MPRIP: variants seen among roughly 807,000 people sequenced by gnomAD.
The protein encoded by MPRIP is myosin phosphatase Rho-interacting protein.
In MPRIP, 59 loss-of-function variants were observed where a neutral mutation model predicts 234.9. The observed-to-expected ratio is 0.25, with a 90% CI of 0.20 to 0.31. The LOEUF is 0.31. Ranked by LOEUF, MPRIP falls within the 10% of genes least tolerant of loss-of-function variation. The pLI is 1.00. For missense variants in MPRIP, 2,436 were observed against 3,071.0 expected (o/e 0.79, Z 4.89); for synonymous variants, 1,144 against 1,263.9 (o/e 0.91, Z 2.01).
intron 13 of MPRIP, among the ~76,000 whole-genome samples, chr17:17,154,865 A>G (rs1360661496): frequency 6.6e-6 from 1 of 152,210 alleles, no homozygotes; most frequent in Non-Finnish European, 1.5e-5. Flanking sequence ...ATTTCTGTGC[A>G]GCCAATTTGA....
At chr17:17,084,392 G>A (rs945855588) in intron 3 of MPRIP, among the ~76,000 whole-genome samples, 22 of 152,228 alleles carry the variant, frequency 1.4e-4, no homozygotes, top group African/African-American at 5.1e-4. Context: ...CAGAGATTCG[G>A]GAGGAGCCAT....
intron 4 of MPRIP, among the ~76,000 whole-genome samples, chr17:17,128,042 T>C (rs1009197223): frequency 5.9e-5 from 9 of 152,116 alleles, no homozygotes; most frequent in Admixed American, 1.3e-4. Flanking sequence ...TCCAGAACCA[T>C]ATGATCAAGA....
At chr17:17,152,151 A>G (rs1386750905) in intron 12 of MPRIP, among the ~76,000 whole-genome samples, 1 of 152,242 alleles carries the variant, frequency 6.6e-6, no homozygotes, top group Non-Finnish European at 1.5e-5. Context: ...GCTGAGTCAC[A>G]GTTGGAGGCT....
chr17:17,049,881 G>A (rs559212347), intron 1 of MPRIP, among the ~76,000 whole-genome samples: 2 of 152,288 alleles, frequency 1.3e-5, no homozygotes, highest in African/African-American at 2.4e-5. Flanking sequence ...ATTTTCCAGC[G>A]GCTACGTTAA....
chr17:17,166,904 C>G lies in MPRIP; in HGVS notation c.5313C>G (p.Ser1771Arg). Residue 1771 changes from serine (S) to arginine (R), a missense_variant, in exon 16 of 24, where the codon AGC becomes AGG. Physicochemically the swap from Ser to Arg is moderately radical, Grantham distance 110. Coordinates refer to ENST00000651222, the MANE Select transcript of MPRIP (RefSeq NM_001364716.4). This position sits in a 1 kb window ranked among gnomAD's most constrained non-coding sequence, Gnocchi z 4.4. Reference protein sequence around the residue: ...SQEPFDVSDQSPGAFVAIQEE... With the variant: ...SQEPFDVSDQRPGAFVAIQEE... The stretch of plus-strand genomic sequence containing the variant: ...AGCCCTTCGATGTGTCTGACCAGAG[C>G]CCTGGGGCCTTTGTTGCTATTCAGG... The G allele has an allele frequency of 7.7e-7, 1 of 1,304,158 alleles. No homozygotes were observed. Among genetic ancestry groups the G allele is most frequent in the Non-Finnish European group, 1.0e-6 (1 of 988,936 alleles). The allele number at this position is 1,304,158 out of a possible 1,614,324, so 80.8% of individuals were successfully genotyped here. A position where few individuals can be genotyped will look rare whatever the true frequency, so the allele number is the denominator to read the frequency against.
intron 13 of MPRIP, among the ~76,000 whole-genome samples, chr17:17,156,796 C>T (rs1310769652): frequency 6.6e-6 from 1 of 152,216 alleles, no homozygotes; most frequent in Non-Finnish European, 1.5e-5. Flanking sequence ...TGCCCTGTGT[C>T]GTTTTCATCC....
At chr17:17,163,026 A>G (rs1567763596) in intron 15 of MPRIP, among the ~76,000 whole-genome samples, 1 of 152,136 alleles carries the variant, frequency 6.6e-6, no homozygotes, top group Non-Finnish European at 1.5e-5. Context: ...GGTCTTTAAT[A>G]CCTTTTCCCT....
At chr17:17,043,900 C>T (rs2088262374) in intron 1 of MPRIP, among the ~76,000 whole-genome samples, 1 of 152,198 alleles carries the variant, frequency 6.6e-6, no homozygotes, top group African/African-American at 2.4e-5. Context: ...TCTCAGCCTC[C>T]TGAATGAAGC....
intron 23 of MPRIP, among the ~76,000 whole-genome samples, chr17:17,183,462 C>T (rs1454731429): frequency 1.3e-5 from 2 of 152,174 alleles, no homozygotes; most frequent in Admixed American, 6.5e-5. Context: ...GTGATCTGCC[C>T]GCCTCGGCCT....
At chr17:17,052,185 C>T (rs1019091833) in intron 1 of MPRIP, among the ~76,000 whole-genome samples, 8 of 152,116 alleles carry the variant, frequency 5.3e-5, no homozygotes, top group Non-Finnish European at 1.0e-4. Context: ...ATGAGGCTCC[C>T]GTGCCAGAGT....
chr17:17,184,331 C>T (rs759122662), intron 23 of MPRIP, among the ~76,000 whole-genome samples: 9 of 152,206 alleles, frequency 5.9e-5, no homozygotes, highest in Admixed American at 2.6e-4. Flanking sequence ...GCAGGTGCTG[C>T]GGAGGCACTG....
chr17:17,175,451 C>A (rs895695789), intron 20 of MPRIP, 39 bp downstream of exon 20: 1 of 1,552,334 alleles, frequency 6.4e-7, no homozygotes, highest in South Asian at 1.2e-5. Context: ...CTCAGCTCTG[C>A]ACCCAGGAAC....
chr17:17,137,194 C>T (rs2090719283), intron 6 of MPRIP, among the ~76,000 whole-genome samples: 1 of 152,250 alleles, frequency 6.6e-6, no homozygotes, highest in South Asian at 2.1e-4. Flanking sequence ...AAGTCCCCTG[C>T]CCCTTCCCAC....
rs539156153 is a variant in MPRIP, at chr17:17,088,234, G to A, written c.267+10158G>A. On this transcript the variant is annotated intron_variant, in intron 3 of 23. Transcript: ENST00000651222. Reference sequence around the variant, plus strand: ...TCTGTGGCCCACACCCCGCACTGGGGAGGCAGCCAGGAAGATGGGCTGTGA... The same window carrying A: ...TCTGTGGCCCACACCCCGCACTGGGAAGGCAGCCAGGAAGATGGGCTGTGA... Among the ~76,000 whole-genome samples the A allele has an allele frequency of 2.0e-5, 3 of 152,334 alleles. No individual in the cohort carries two copies. The East Asian group carries it at 5.8e-4, about 29-fold the overall frequency.
intron 14 of MPRIP, among the ~76,000 whole-genome samples, chr17:17,159,555 A>G (rs1380684412): frequency 6.6e-6 from 1 of 152,120 alleles, no homozygotes; most frequent in Non-Finnish European, 1.5e-5. Context: ...CTGCCCTGTG[A>G]CTGTCACTCC....
At chr17:17,068,973 G>T (rs1230850050) in intron 1 of MPRIP, among the ~76,000 whole-genome samples, 1 of 152,180 alleles carries the variant, frequency 6.6e-6, no homozygotes, top group Non-Finnish European at 1.5e-5. Context: ...GAGCATCATA[G>T]TTACGTTAGT....
intron 14 of MPRIP, 64 bp from the exon 15 acceptor site, chr17:17,161,176 G>A: frequency 8.5e-7 from 1 of 1,169,848 alleles, no homozygotes; most frequent in Non-Finnish European, 1.2e-6. Context: ...AAGAGTCTGT[G>A]CTGTGCAGCT....
chr17:17,101,515 A>T (rs1338508401), intron 3 of MPRIP, among the ~76,000 whole-genome samples: 1 of 152,230 alleles, frequency 6.6e-6, no homozygotes, highest in African/African-American at 2.4e-5. Context: ...GGTTGCAGTG[A>T]GCTGAGATTG....
Position 17,146,025 on chromosome 17 carries a change from C to T in MPRIP, c.1504-11C>T, listed in dbSNP as rs1597458873. 1 of 1,613,568 alleles carries T rather than the reference C, an allele frequency of 6.2e-7. No homozygotes were observed. Among genetic ancestry groups the T allele is most frequent in the South Asian group, 1.1e-5 (1 of 90,918 alleles). ...TTTCCTCTGAGCTGTTCTTTTTTCT[C>T]CCTTTCTCAGCCCGACCTGCTGAAT... On this transcript the variant is annotated splice_polypyrimidine_tract_variant and intron_variant, in intron 9 of 23. Coordinates refer to ENST00000651222, the MANE Select transcript of MPRIP (RefSeq NM_001364716.4).
Sources: gnomAD v4.1 joint callset for allele counts (sites outside exome capture counted in the v4.1 genomes callset) on GRCh38, gnomAD v4.1.1 for gene constraint, Gnocchi (gnomAD v3.1) non-coding constraint, MANE v1.5 for transcripts, NCBI Gene and HGNC (gene_info 2026-07-23, HGNC 2026-07-21) for gene names.